Variants in TSPAN5 observed in about 807,000 individuals in gnomAD.
TSPAN5 encodes the protein tetraspanin 5.
A neutral mutation model predicts 37.1 loss-of-function variants in TSPAN5; 10 were observed. That is an observed-to-expected ratio of 0.27 (90% confidence interval 0.17 to 0.46). TSPAN5 has a LOEUF of 0.46. TSPAN5 is among the 20% of genes least tolerant of loss of function. The probability of loss-of-function intolerance (pLI) is 1.00; values close to 1 mark genes in which losing one functional copy is unlikely to be tolerated. For missense variants in TSPAN5, 195 were observed against 326.6 expected, an observed-to-expected ratio of 0.60 and a Z score of 3.11; for synonymous variants, 110 against 118.9, an observed-to-expected ratio of 0.93 and a Z score of 0.48.
At chr4:98,476,973 G>A (rs533379075) in intron 5 of TSPAN5, among the ~76,000 whole-genome samples, 11 of 152,338 alleles carry the variant, frequency 7.2e-5, no homozygotes, top group Admixed American at 7.2e-4. Context: ...GTCTCACAGG[G>A]TCTGATCAGA....
chr4:98,524,788 T>A (rs1362080172), intron 1 of TSPAN5, among the ~76,000 whole-genome samples: 1 of 152,020 alleles, frequency 6.6e-6, no homozygotes, highest in Admixed American at 6.6e-5. Context: ...AAGAGAAAAA[T>A]CTGACTATGA....
intron 1 of TSPAN5, among the ~76,000 whole-genome samples, chr4:98,652,263 A>C (rs376954985): frequency 5.3e-5 from 8 of 152,284 alleles, no homozygotes; most frequent in African/African-American, 1.9e-4. Flanking sequence ...AATCCAGTGG[A>C]GTATGATTTA....
chr4:98,478,909 CCTT>C, intron 4 of TSPAN5, 99 bp from the exon 5 acceptor site: 4 of 1,443,818 alleles, frequency 2.8e-6, no homozygotes, highest in Non-Finnish European at 3.8e-6. Flanking sequence ...CCAGCTCTGA[CCTT>C]CTTTTCTGTC....
At chr4:98,598,169 C>T (rs181340010) in intron 1 of TSPAN5, among the ~76,000 whole-genome samples, 2 of 136,990 alleles carry the variant, frequency 1.5e-5, no homozygotes, top group Non-Finnish European at 3.1e-5. Flanking sequence ...GTCTGAAAAG[C>T]GCAATATTCG....
At chr4:98,555,976 C>T (rs1289695995) in intron 1 of TSPAN5, among the ~76,000 whole-genome samples, 1 of 122,314 alleles carries the variant, frequency 8.2e-6, no homozygotes, top group Non-Finnish European at 1.6e-5. Flanking sequence ...CACACGCGCG[C>T]GCACACACAC....
intron 1 of TSPAN5, among the ~76,000 whole-genome samples, chr4:98,648,554 G>A (rs1412245335): frequency 6.6e-6 from 1 of 152,174 alleles, no homozygotes; most frequent in Non-Finnish European, 1.5e-5. Context: ...AGCACCAGAG[G>A]TTCTCTTTCA....
chr4:98,600,868 T>G (rs1755867559), intron 1 of TSPAN5, among the ~76,000 whole-genome samples: 1 of 152,208 alleles, frequency 6.6e-6, no homozygotes, highest in Non-Finnish European at 1.5e-5. Context: ...AATCACTATA[T>G]AGTCTATGGC....
chr4:98,567,372 A>G (rs1017143735), intron 1 of TSPAN5, among the ~76,000 whole-genome samples: 6 of 152,218 alleles, frequency 3.9e-5, no homozygotes, highest in Admixed American at 3.9e-4. Context: ...CTTAATTAAA[A>G]TGTATGTGCC....
At chr4:98,558,651 C>T (rs1246206734) in intron 1 of TSPAN5, among the ~76,000 whole-genome samples, 2 of 152,128 alleles carry the variant, frequency 1.3e-5, no homozygotes, top group African/African-American at 4.8e-5. Context: ...ACTCCAAATG[C>T]AGTTTCTAAA....
chr4:98,611,985 C>T (rs1177565758), intron 1 of TSPAN5, among the ~76,000 whole-genome samples: 1 of 152,174 alleles, frequency 6.6e-6, no homozygotes, highest in Non-Finnish European at 1.5e-5. Flanking sequence ...GCATGCAGGG[C>T]CTGGTCCCAA....
intron 1 of TSPAN5, among the ~76,000 whole-genome samples, chr4:98,578,512 G>A (rs1755297876): frequency 1.3e-5 from 2 of 152,000 alleles, no homozygotes; most frequent in African/African-American, 2.4e-5. Context: ...TGCAACCTCC[G>A]TCTCCTGGGT....
chr4:98,591,868 T>C (rs1179789556), intron 1 of TSPAN5, among the ~76,000 whole-genome samples: 2 of 152,144 alleles, frequency 1.3e-5, no homozygotes, highest in Admixed American at 6.5e-5. Context: ...TGACAAACTA[T>C]AAAATTTATG....
intron 1 of TSPAN5, chr4:98,560,096 A>G (rs1209010880): frequency 6.6e-6 from 1 of 152,210 alleles, no homozygotes; most frequent in Non-Finnish European, 1.5e-5. Context: ...TAGATTCTAA[A>G]TTCCAATCAG....
chr4:98,498,889 G>A (rs749843328), intron 2 of TSPAN5, among the ~76,000 whole-genome samples: 1 of 152,116 alleles, frequency 6.6e-6, no homozygotes, highest in Non-Finnish European at 1.5e-5. Context: ...GGCTGTTCTG[G>A]GGGCACTGAC....
chr4:98,569,462 A>T (rs1470526585), intron 1 of TSPAN5, among the ~76,000 whole-genome samples: 1 of 152,168 alleles, frequency 6.6e-6, no homozygotes, highest in Non-Finnish European at 1.5e-5. Context: ...ATCTGCAGGG[A>T]CGTCCTATTA....
chr4:98,655,231 C>G (rs1757271579), intron 1 of TSPAN5, among the ~76,000 whole-genome samples: 1 of 152,094 alleles, frequency 6.6e-6, no homozygotes, highest in African/African-American at 2.4e-5. Context: ...AGTAATAAAA[C>G]TAGTCTTCAG....
At chr4:98,485,676 A>C (rs1752943971) in intron 3 of TSPAN5, 1 of 151,976 alleles carries the variant, frequency 6.6e-6, no homozygotes, top group South Asian at 2.1e-4. Flanking sequence ...GGGATGTTTA[A>C]GAAAAGACGC....
intron 1 of TSPAN5, among the ~76,000 whole-genome samples, chr4:98,585,125 G>C (rs1444283078): frequency 6.6e-6 from 1 of 152,140 alleles, no homozygotes; most frequent in Non-Finnish European, 1.5e-5. Flanking sequence ...TTTTTAAAAA[G>C]TTTTTTCAAA....
At chr4:98,624,655 C>T (rs1195122446) in intron 1 of TSPAN5, among the ~76,000 whole-genome samples, 1 of 152,174 alleles carries the variant, frequency 6.6e-6, no homozygotes, top group Non-Finnish European at 1.5e-5. Flanking sequence ...CTCAATGTCC[C>T]TGTCCCTAGT....
Sources: allele counts gnomAD v4.1 joint callset (sites outside exome capture counted in the v4.1 genomes callset), GRCh38; gene constraint gnomAD v4.1.1; transcripts MANE v1.5; gene names NCBI Gene and HGNC (gene_info 2026-07-23, HGNC 2026-07-21).